The following UROS variants were observed in gnomAD, a reference collection of about 807,000 sequenced individuals.
The protein encoded by UROS is uroporphyrinogen III synthase.
A neutral mutation model predicts 33.0 loss-of-function variants in UROS; 18 were observed. That is an observed-to-expected ratio of 0.55 (90% CI 0.38 to 0.81). The LOEUF is 0.81. UROS is among the 30% of genes least tolerant of loss of function. The probability of loss-of-function intolerance (pLI) is 0.00; values close to 1 mark genes in which losing one functional copy is unlikely to be tolerated. For synonymous variants in UROS, 114 were observed against 121.1 expected (o/e 0.94, Z 0.38); for missense variants, 293 against 314.9 (o/e 0.93, Z 0.53).
intron 9 of UROS, among the ~76,000 whole-genome samples, chr10:125,790,880 C>T (rs1489885864): frequency 6.6e-6 from 1 of 151,602 alleles, no homozygotes; most frequent in African/African-American, 2.4e-5. Context: ...CACCTGAGGT[C>T]AGGAGTTCAA....
chr10:125,802,327 T>C, intron 6 of UROS: 1 of 985,886 alleles, frequency 1.0e-6, no homozygotes, highest in Non-Finnish European at 1.2e-6. Context: ...GGAACAACTG[T>C]CTGTGGCTTC....
chr10:125,802,880 G>A (rs1851960535), intron 6 of UROS: 1 of 1,568,764 alleles, frequency 6.4e-7, no homozygotes. Flanking sequence ...TGGGGCTCAG[G>A]CTGGCCTCAC....
intron 9 of UROS, chr10:125,789,216 AC>A (rs1224341556): frequency 1.4e-6 from 2 of 1,435,842 alleles, no homozygotes; most frequent in African/African-American, 1.4e-5. Flanking sequence ...TCAGTCTGCC[AC>A]CCTGAGCGAC....
chr10:125,785,398 A>G (rs556016494), downstream of UROS: 111 of 151,760 alleles, frequency 7.3e-4, no homozygotes, highest in African/African-American at 2.5e-3. Flanking sequence ...ATGACCACGT[A>G]CTTTGCTGAA....
chr10:125,794,743 A>G, intron 9 of UROS, 137 bp downstream of exon 9: 1 of 771,006 alleles, frequency 1.3e-6, no homozygotes, highest in Non-Finnish European at 2.1e-6. Context: ...AGCAGGAGGT[A>G]GAGCTGCCCT....
intron 6 of UROS, 89 bp downstream of exon 6, chr10:125,807,324 C>A: frequency 8.9e-7 from 1 of 1,120,974 alleles, no homozygotes; most frequent in Non-Finnish European, 1.3e-6. Flanking sequence ...ACCAAGAATG[C>A]ACTGAGGAAA....
At chr10:125,814,274 C>T (rs1853095465) in intron 4 of UROS, among the ~76,000 whole-genome samples, 1 of 152,190 alleles carries the variant, frequency 6.6e-6, no homozygotes, top group Non-Finnish European at 1.5e-5. Flanking sequence ...GACTAACTCA[C>T]TCCAAAGCCC....
chr10:125,796,033 C>CGT, intron 8 of UROS, 70 bp downstream of exon 8: 1 of 1,358,106 alleles, frequency 7.4e-7, no homozygotes, highest in East Asian at 2.3e-5. Context: ...TCTATCAGCT[C>CGT]GTGCCCTTCA....
intron 6 of UROS, among the ~76,000 whole-genome samples, chr10:125,805,691 T>C (rs557851269): frequency 3.3e-5 from 5 of 152,294 alleles, no homozygotes; most frequent in Admixed American, 2.0e-4. Context: ...ATGTGGCTAG[T>C]GGCTACTGTA....
intron 6 of UROS, among the ~76,000 whole-genome samples, chr10:125,804,109 A>G (rs75430562): frequency 0.027 from 4,088 of 152,312 alleles, 103 homozygotes; most frequent in Admixed American, 0.059. Flanking sequence ...ACTGGAGTTT[A>G]TGCTAATGAG....
At chr10:125,794,828 A>T (rs80324865) in intron 9 of UROS, 52 bp downstream of exon 9, 114 of 198,356 alleles carry the variant, frequency 5.7e-4, no homozygotes, top group Admixed American at 5.3e-4. Context: ...CATAAAGATT[A>T]AAAAAAAAAA....
At chr10:125,800,330 C>T (rs1032486549) in intron 6 of UROS, among the ~76,000 whole-genome samples, 4 of 152,142 alleles carry the variant, frequency 2.6e-5, no homozygotes, top group East Asian at 1.9e-4. Context: ...TGATTCTTTC[C>T]GAATAATGCC....
At chr10:125,799,204 C>A (rs8181322) in intron 6 of UROS, among the ~76,000 whole-genome samples, 63,649 of 151,978 alleles carry the variant, frequency 0.42, 13,588 homozygotes, top group Non-Finnish European at 0.46. Context: ...TGAATGTTTT[C>A]TTTATTTAAA....
chr10:125,809,921 C>T (rs775644712), intron 5 of UROS, among the ~76,000 whole-genome samples: 3 of 152,172 alleles, frequency 2.0e-5, no homozygotes, highest in Admixed American at 6.5e-5. Flanking sequence ...ATTATGTCAG[C>T]GTGCAACATT....
At chr10:125,802,335 T>C in intron 6 of UROS, 1 of 986,010 alleles carries the variant, frequency 1.0e-6, no homozygotes, top group African/African-American at 1.7e-5. Flanking sequence ...TGTCTGTGGC[T>C]TCCCTGCAGC....
Position 125,815,118 on chromosome 10 carries a change from C to T in UROS, c.160G>A (p.Glu54Lys). 1 of 1,614,144 alleles carries T rather than the reference C, an allele frequency of 6.2e-7. No homozygotes were observed. The highest frequency in any genetic ancestry group is 8.5e-7 in the Non-Finnish European group (1 of 1,180,026). ...GTAAAAATGAGTCCCCCGTAATCTT[C>T]AGGATGAGAAAGCTGCACACCAAAA... ...PSFSEKLSHPEDYGGLIFTSP... is the reference protein window; with the variant it reads ...PSFSEKLSHPKDYGGLIFTSP... The change falls in exon 4 of 10, where the codon GAA becomes AAA. Residue 54 changes from glutamate to lysine, a missense_variant. Coordinates refer to ENST00000368797, the MANE Select transcript of UROS (RefSeq NM_000375.3).
chr10:125,796,089 C>T lies in UROS; in HGVS notation c.561+14G>A. On this transcript the variant is annotated intron_variant, in intron 8 of 9. Coordinates refer to ENST00000368797, the MANE Select transcript of UROS (RefSeq NM_000375.3). ...GCACCCACCCTGCCAGAACCGCCCC[C>T]AAACGCCACGTACCTGCTGGGAATA... 1 of 1,614,044 alleles carries T rather than the reference C, an allele frequency of 6.2e-7. No individual in the cohort carries two copies. The highest frequency in any genetic ancestry group is 8.5e-7 in the Non-Finnish European group (1 of 1,180,000).
chr10:125,796,709 C>T (rs1444139103), intron 7 of UROS: 1 of 871,956 alleles, frequency 1.1e-6, no homozygotes, highest in African/African-American at 1.8e-5. Flanking sequence ...CCACATTCCT[C>T]CCTGTGCCAT....
At chr10:125,814,970 C>G in intron 4 of UROS, 64 bp downstream of exon 4, 1 of 1,566,214 alleles carries the variant, frequency 6.4e-7, no homozygotes, top group Non-Finnish European at 8.7e-7. Flanking sequence ...GGAATTTAGT[C>G]TCCCAGCAGG....
Sources: gnomAD v4.1 joint callset for allele counts (sites outside exome capture counted in the v4.1 genomes callset) on GRCh38, gnomAD v4.1.1 for gene constraint, MANE v1.5 for transcripts, NCBI Gene and HGNC (gene_info 2026-07-23, HGNC 2026-07-21) for gene names.